Variants in PPFIBP1 observed in about 807,000 individuals in gnomAD.
PPFIBP1 encodes the protein PPFIB scaffold protein 1, also known as liprin-beta-1.
In PPFIBP1, 112 loss-of-function variants were observed where a neutral mutation model predicts 137.8. The observed-to-expected ratio is 0.81, with a 90% CI of 0.70 to 0.95. PPFIBP1 has a LOEUF of 0.95. PPFIBP1 is among the 40% of genes least tolerant of loss of function. The pLI, the probability that PPFIBP1 is intolerant of heterozygous loss-of-function variation, is 0.00. For missense variants in PPFIBP1, 1,083 were observed against 1,196.6 expected (o/e 0.91, Z 1.40); for synonymous variants, 378 against 417.3 (o/e 0.91, Z 1.15).
Position 27,681,872 on chromosome 12 carries a change from T to C in PPFIBP1, c.2046+176T>C, listed in dbSNP as rs192373532. On this transcript the variant is annotated intron_variant, in intron 22 of 29. Coordinates refer to ENST00000228425, the MANE Select transcript of PPFIBP1 (RefSeq NM_003622.4). ...TTTTTCTGGTGGTCTTGGGAGGACC[T>C]GGTCTTGATGATTCCTTATGGAACA... 5.6e-4 allele frequency among the ~76,000 whole-genome samples: 86 copies of C among 152,304 alleles called. No homozygotes were observed. The Middle Eastern group carries it at 0.027, about 48-fold the overall frequency.
chr12:27,534,362 G>C (rs981785324), intron 1 of PPFIBP1, among the ~76,000 whole-genome samples: 5 of 152,188 alleles, frequency 3.3e-5, no homozygotes, highest in African/African-American at 1.2e-4. Context: ...TGATTTATCA[G>C]TAGAGTAAGA....
At chr12:27,560,696 T>G (rs2136377091) in intron 1 of PPFIBP1, among the ~76,000 whole-genome samples, 1 of 152,292 alleles carries the variant, frequency 6.6e-6, no homozygotes, top group East Asian at 1.9e-4. Context: ...GATGAGTAGA[T>G]AGAGGTTGAG....
rs1309793941 is a variant in PPFIBP1 at position 27,692,501 on chromosome 12, A to G, written c.2866-90A>G. The G allele has an allele frequency of 5.0e-6, 6 of 1,210,112 alleles. No homozygotes were observed. The Admixed American group carries it at 6.8e-5, about 14-fold the overall frequency. 75.0% of individuals were successfully genotyped at this position (1,210,112 alleles called of 1,614,324 possible). ...TCTTACCCCATTCAGTGCTATTTGC[A>G]TTATTTCTTCTTAGACTTTTGTTCC... On this transcript the variant is annotated intron_variant, in intron 28 of 29. Coordinates refer to ENST00000228425, the MANE Select transcript of PPFIBP1 (RefSeq NM_003622.4).
chr12:27,604,132 T>C lies in PPFIBP1; in HGVS notation c.-36+25893T>C, dbSNP rs1457524642. Among the ~76,000 whole-genome samples the C allele has an allele frequency of 2.0e-5, 3 of 152,162 alleles. No homozygotes were observed. The East Asian group carries it at 5.8e-4, about 29-fold the overall frequency. On this transcript the variant is annotated intron_variant, in intron 2 of 29. Transcript: ENST00000228425. ...AAGAGGTGGAAATGCTCAAGGTTGA[T>C]TCTCTAAGTGGAACCCCAAGGGTTC...
intron 5 of PPFIBP1, among the ~76,000 whole-genome samples, chr12:27,647,016 G>A (rs528760732): frequency 6.6e-6 from 1 of 152,154 alleles, no homozygotes; most frequent in East Asian, 1.9e-4. Context: ...TTTTGTTTTT[G>A]TTTTGGACGG....
chr12:27,536,917 G>A (rs939788637), intron 1 of PPFIBP1, among the ~76,000 whole-genome samples: 2 of 152,144 alleles, frequency 1.3e-5, no homozygotes, highest in African/African-American at 4.8e-5. Flanking sequence ...TGGTCCTAAC[G>A]TCTCAGCTTC....
At chr12:27,592,452 A>C (rs1282816809) in intron 2 of PPFIBP1, 3 of 905,336 alleles carry the variant, frequency 3.3e-6, no homozygotes, top group African/African-American at 1.7e-5. Flanking sequence ...AAGTTGAAAA[A>C]TCTGTCTATA....
At chr12:27,552,779 A>G (rs12366631) in intron 1 of PPFIBP1, 17,791 of 152,196 alleles carry the variant, frequency 0.12, 1,201 homozygotes, top group South Asian at 0.28. Flanking sequence ...ATTGCGTTCG[A>G]TTCTGAATAT....
At chr12:27,630,561 A>C (rs1035968781) in intron 2 of PPFIBP1, among the ~76,000 whole-genome samples, 1 of 152,152 alleles carries the variant, frequency 6.6e-6, no homozygotes, top group Admixed American at 6.6e-5. Flanking sequence ...TAATCTGATG[A>C]TCTCTGGCTC....
intron 6 of PPFIBP1, 123 bp downstream of exon 6, chr12:27,647,965 T>TAAA: frequency 3.1e-6 from 3 of 957,982 alleles, no homozygotes; most frequent in Non-Finnish European, 4.1e-6. Flanking sequence ...ACCAGCACAT[T>TAAA]AAAAAAAAAA....
chr12:27,689,543 G>T (rs1438672545), intron 27 of PPFIBP1, among the ~76,000 whole-genome samples: 3 of 152,148 alleles, frequency 2.0e-5, no homozygotes, highest in Non-Finnish European at 2.9e-5. Flanking sequence ...AAAAACCAAG[G>T]CACAGCGGGC....
chr12:27,642,454 G>A (rs2139331339), intron 4 of PPFIBP1, among the ~76,000 whole-genome samples: 1 of 152,338 alleles, frequency 6.6e-6, no homozygotes, highest in South Asian at 2.1e-4. Flanking sequence ...ACGTGCTCAG[G>A]ATTTTACAAG....
chr12:27,691,873 A>G lies in PPFIBP1; in HGVS notation c.2810A>G (p.Lys937Arg). 1 of 1,614,086 alleles carries G rather than the reference A, an allele frequency of 6.2e-7. No homozygotes were observed. The highest frequency in any genetic ancestry group is 1.1e-5 in the South Asian group (1 of 91,058). The part of the protein sequence containing the change: ...ASGSASKKGF[K>R]PGLDMRLYEE... ...GGAAGTGCATCTAAGAAAGGATTTA[A>G]ACCTGGTTTGGATATGCGCCTGTAT... Residue 937 changes from lysine (K) to arginine (R), a missense_variant, in exon 28 of 30, where the codon AAA (lysine) becomes AGA (arginine). Physicochemically the swap from Lys to Arg is conservative, Grantham distance 26. Transcript: ENST00000228425.
chr12:27,553,228 A>G (rs1044602683), intron 1 of PPFIBP1, among the ~76,000 whole-genome samples: 1 of 152,160 alleles, frequency 6.6e-6, no homozygotes, highest in African/African-American at 2.4e-5. Flanking sequence ...CGATGACATG[A>G]AGAGAGTGAA....
intron 24 of PPFIBP1, among the ~76,000 whole-genome samples, chr12:27,684,766 T>C (rs966172084): frequency 1.1e-4 from 16 of 151,950 alleles, no homozygotes; most frequent in African/African-American, 3.9e-4. Flanking sequence ...GTATAATATA[T>C]ATTAAAAAGT....
chr12:27,670,567 A>G (rs955549678), intron 13 of PPFIBP1, among the ~76,000 whole-genome samples: 1 of 152,160 alleles, frequency 6.6e-6, no homozygotes, highest in African/African-American at 2.4e-5. Flanking sequence ...GCTCGAGCAC[A>G]GAGTTCCAGA....
At chr12:27,687,177 G>A (rs535639660) in intron 24 of PPFIBP1, among the ~76,000 whole-genome samples, 63 of 152,220 alleles carry the variant, frequency 4.1e-4, no homozygotes, top group Non-Finnish European at 7.8e-4. Context: ...AGAGAAACAG[G>A]TGGAAGTCAG....
intron 1 of PPFIBP1, among the ~76,000 whole-genome samples, chr12:27,561,594 A>G (rs1283353481): frequency 6.6e-6 from 1 of 152,166 alleles, no homozygotes; most frequent in Non-Finnish European, 1.5e-5. Flanking sequence ...ATCAGTCTTT[A>G]AAATGGCACA....
intron 1 of PPFIBP1, among the ~76,000 whole-genome samples, chr12:27,568,003 A>G (rs1186361993): frequency 4.6e-5 from 7 of 152,286 alleles, no homozygotes; most frequent in African/African-American, 1.7e-4. Flanking sequence ...AGTAGATGGG[A>G]TTGCAGGCTC....
Sources: gnomAD v4.1 joint callset for allele counts (sites outside exome capture counted in the v4.1 genomes callset) on GRCh38, gnomAD v4.1.1 for gene constraint, MANE v1.5 for transcripts, NCBI Gene and HGNC (gene_info 2026-07-23, HGNC 2026-07-21) for gene names.